The following DCPH1 variants were observed in gnomAD, a reference collection of about 807,000 sequenced individuals.
The protein encoded by DCPH1 is damage-control phosphatase 1.
chr6:151,452,634 G>A, the DCPH1 span: 1 of 1,581,958 alleles, frequency 6.3e-7, no homozygotes, highest in Non-Finnish European at 8.6e-7. Flanking sequence ...GCCGGGCCTC[G>A]CCGGGAGCCT....
At chr6:151,452,971 C>A in the DCPH1 span, among the ~76,000 whole-genome samples, 1 of 152,362 alleles carries the variant, frequency 6.6e-6, no homozygotes, top group East Asian at 1.9e-4. Flanking sequence ...CGTAATCTCA[C>A]AGTAAGAACT....
the DCPH1 span, chr6:151,454,660 ATTGTT>A: frequency 7.3e-7 from 1 of 1,376,112 alleles, no homozygotes; most frequent in South Asian, 1.2e-5. Context: ...AGAGGTAAGA[ATTGTT>A]TTAACTTTTA....
chr6:151,455,099 AT>A, the DCPH1 span, among the ~76,000 whole-genome samples: 17 of 152,342 alleles, frequency 1.1e-4, no homozygotes, highest in Non-Finnish European at 2.1e-4. Context: ...TGATTGACAC[AT>A]TGTACTGATT....
the DCPH1 span, among the ~76,000 whole-genome samples, chr6:151,463,712 C>A: frequency 6.6e-6 from 1 of 152,222 alleles, no homozygotes; most frequent in African/African-American, 2.4e-5. Context: ...ACATGAATGA[C>A]CCATGGAAAA....
At chr6:151,458,271 AG>A in the DCPH1 span, 4 of 1,551,650 alleles carry the variant, frequency 2.6e-6, no homozygotes, top group Middle Eastern at 3.5e-4. Flanking sequence ...ATGTTACCCT[AG>A]AGGAATTGCA....
the DCPH1 span, chr6:151,469,810 A>G: frequency 1.3e-5 from 2 of 152,406 alleles, no homozygotes; most frequent in Admixed American, 1.3e-4. Flanking sequence ...TATTCTATTT[A>G]TGATATCCAT....
the DCPH1 span, among the ~76,000 whole-genome samples, chr6:151,459,909 G>C: frequency 6.6e-6 from 1 of 152,156 alleles, no homozygotes; most frequent in African/African-American, 2.4e-5. Context: ...GAATCCTTTG[G>C]TATCTGTTCC....
At chr6:151,452,843 C>T in the DCPH1 span, 4 of 428,710 alleles carry the variant, frequency 9.3e-6, no homozygotes, top group Non-Finnish European at 1.6e-5. Context: ...CTGTTCCTGG[C>T]GGTCACTTTT....
chr6:151,460,206 A>G, the DCPH1 span, among the ~76,000 whole-genome samples: 1 of 151,828 alleles, frequency 6.6e-6, no homozygotes, highest in Admixed American at 6.6e-5. Context: ...CAGCCTCCCG[A>G]GTAGCTGGGA....
the DCPH1 span, among the ~76,000 whole-genome samples, chr6:151,459,103 C>A: frequency 6.6e-6 from 1 of 152,148 alleles, no homozygotes; most frequent in African/African-American, 2.4e-5. Context: ...CACCACTGCA[C>A]TGCAGCCTGA....
At chr6:151,458,395 A>G in the DCPH1 span, 3 of 1,613,756 alleles carry the variant, frequency 1.9e-6, no homozygotes, top group South Asian at 1.1e-5. Flanking sequence ...TTGCAAACAG[A>G]TAAACCATTT....
At chr6:151,467,535 A>G in the DCPH1 span, among the ~76,000 whole-genome samples, 6 of 152,256 alleles carry the variant, frequency 3.9e-5, no homozygotes, top group African/African-American at 1.2e-4. Flanking sequence ...CATGCATTAT[A>G]TCAATTCTCA....
At chr6:151,460,325 A>G in the DCPH1 span, among the ~76,000 whole-genome samples, 2 of 149,236 alleles carry the variant, frequency 1.3e-5, no homozygotes, top group Non-Finnish European at 3.0e-5. Context: ...CTGACCTCGA[A>G]CTCCTGACCT....
chr6:151,465,804 G>A, the DCPH1 span, among the ~76,000 whole-genome samples: 1 of 152,164 alleles, frequency 6.6e-6, no homozygotes, highest in Non-Finnish European at 1.5e-5. Flanking sequence ...TTTGAACATA[G>A]AAGCTACAGA....
At chr6:151,468,540 C>T in the DCPH1 span, 24 of 1,613,734 alleles carry the variant, frequency 1.5e-5, no homozygotes, top group Admixed American at 1.3e-4. Flanking sequence ...ATATTGTTCT[C>T]GATAATTCTG....
At chr6:151,458,738 A>C in the DCPH1 span, among the ~76,000 whole-genome samples, 2 of 152,230 alleles carry the variant, frequency 1.3e-5, no homozygotes, top group African/African-American at 4.8e-5. Flanking sequence ...ACTGATGGAC[A>C]TTTCTACAAA....
chr6:151,466,621 C>A, the DCPH1 span, among the ~76,000 whole-genome samples: 2 of 152,324 alleles, frequency 1.3e-5, no homozygotes, highest in South Asian at 2.1e-4. Flanking sequence ...TCGACACACA[C>A]ATTTCTGGGG....
the DCPH1 span, chr6:151,469,212 G>A: frequency 7.5e-6 from 7 of 934,704 alleles, no homozygotes; most frequent in Non-Finnish European, 1.1e-5. Context: ...CTCTGTACGC[G>A]CTCAGGGAAG....
chr6:151,453,986 G>T, the DCPH1 span, among the ~76,000 whole-genome samples: 2 of 152,190 alleles, frequency 1.3e-5, no homozygotes, highest in African/African-American at 4.8e-5. Flanking sequence ...GATGGAAGGA[G>T]TCCATTGTGC....
Sources: allele counts gnomAD v4.1 joint callset (sites outside exome capture counted in the v4.1 genomes callset), GRCh38; gene constraint gnomAD v4.1.1; transcripts MANE v1.5; gene names NCBI Gene and HGNC (gene_info 2026-07-23, HGNC 2026-07-21).